The following FOXN3 variants were observed in gnomAD, a reference collection of about 807,000 sequenced individuals.
FOXN3 encodes the protein forkhead box protein N3.
Under a neutral mutation model 38.4 loss-of-function variants are expected in FOXN3, and 7 were observed. The observed-to-expected ratio is 0.18, with a 90% confidence interval of 0.10 to 0.34. The LOEUF is 0.34. Ranked by LOEUF, FOXN3 falls within the 10% of genes least tolerant of loss-of-function variation. The pLI, the probability that FOXN3 is intolerant of heterozygous loss-of-function variation, is 1.00. For missense variants in FOXN3, 456 were observed against 613.4 expected, an observed-to-expected ratio of 0.74 and a Z score of 2.71; for synonymous variants, 230 against 242.2, an observed-to-expected ratio of 0.95 and a Z score of 0.47.
chr14:89,173,271 C>T (rs760579670), intron 5 of FOXN3, among the ~76,000 whole-genome samples: 5 of 152,210 alleles, frequency 3.3e-5, no homozygotes, highest in Non-Finnish European at 5.9e-5. Context: ...CCATTACGTA[C>T]CTACCAGATT....
At chr14:89,224,674 G>A (rs1310395413) in intron 4 of FOXN3, among the ~76,000 whole-genome samples, 1 of 152,072 alleles carries the variant, frequency 6.6e-6, no homozygotes, top group African/African-American at 2.4e-5. Flanking sequence ...TTAGAAAACG[G>A]GTGACAATCA....
intron 4 of FOXN3, among the ~76,000 whole-genome samples, chr14:89,231,930 T>C (rs72699569): frequency 0.017 from 2,540 of 152,216 alleles, 35 homozygotes; most frequent in Non-Finnish European, 0.027. Flanking sequence ...GAGATGACAT[T>C]TGCAAGAGCT....
In FOXN3 at chr14:89,375,504, G is replaced by A. The variant is rs548021586; in HGVS notation, c.544-24696C>T. ...TGAAATTGAACTACAAAGAAATATT[G>A]TTTCAGCCAGACATGTATTACTAAT... On this transcript the variant is annotated intron_variant, in intron 2 of 5. Transcript: ENST00000557258. 7.2e-4 allele frequency among the ~76,000 whole-genome samples: 109 copies of A among 152,150 alleles called. No homozygotes were observed. In the Middle Eastern group the frequency reaches 0.014, roughly 19 times the overall value.
At chr14:89,253,735 T>G (rs528964100) in intron 4 of FOXN3, among the ~76,000 whole-genome samples, 2 of 152,180 alleles carry the variant, frequency 1.3e-5, no homozygotes, top group Non-Finnish European at 2.9e-5. Flanking sequence ...CCCTCTCTAG[T>G]CAATCTGTAC....
At chr14:89,245,976 C>A (rs1450597572) in intron 4 of FOXN3, among the ~76,000 whole-genome samples, 1 of 152,046 alleles carries the variant, frequency 6.6e-6, no homozygotes, top group African/African-American at 2.4e-5. Flanking sequence ...CACGACTTGC[C>A]AGCTTGATTT....
intron 3 of FOXN3, among the ~76,000 whole-genome samples, chr14:89,340,130 A>C (rs1888575903): frequency 6.6e-6 from 1 of 152,184 alleles, no homozygotes; most frequent in African/African-American, 2.4e-5. Flanking sequence ...GAGGTAAAAA[A>C]AGCTACTAAA....
At chr14:89,295,282 A>G (rs1468647351) in intron 3 of FOXN3, among the ~76,000 whole-genome samples, 1 of 151,736 alleles carries the variant, frequency 6.6e-6, no homozygotes, top group Non-Finnish European at 1.5e-5. Context: ...TCACCCTACA[A>G]CCTCTCCCTC....
chr14:89,198,315 T>C (rs959251424), intron 4 of FOXN3, among the ~76,000 whole-genome samples: 2 of 152,172 alleles, frequency 1.3e-5, no homozygotes, highest in Non-Finnish European at 2.9e-5. Context: ...AAGATGTGCA[T>C]AGATCACATA....
intron 1 of FOXN3, among the ~76,000 whole-genome samples, chr14:89,459,000 A>G (rs1170752457): frequency 6.6e-6 from 1 of 152,180 alleles, no homozygotes; most frequent in African/African-American, 2.4e-5. Context: ...TGCTCACCCC[A>G]TCCACTTTTA....
At chr14:89,205,061 G>A (rs969438586) in intron 4 of FOXN3, among the ~76,000 whole-genome samples, 1 of 152,024 alleles carries the variant, frequency 6.6e-6, no homozygotes, top group African/African-American at 2.4e-5. Flanking sequence ...TTTCTAGAAT[G>A]GTTATTAAGA....
At chr14:89,191,735 C>T (rs1887947987) in intron 4 of FOXN3, among the ~76,000 whole-genome samples, 1 of 149,224 alleles carries the variant, frequency 6.7e-6, no homozygotes, top group South Asian at 2.1e-4. Flanking sequence ...AATGCTGGTT[C>T]CCGAAAACAG....
intron 1 of FOXN3, among the ~76,000 whole-genome samples, chr14:89,429,260 T>G (rs1314437505): frequency 6.6e-6 from 1 of 152,202 alleles, no homozygotes; most frequent in African/African-American, 2.4e-5. Context: ...GCAAGTTTCT[T>G]TACCCTCATC....
intron 4 of FOXN3, among the ~76,000 whole-genome samples, chr14:89,262,848 A>C (rs1366384409): frequency 1.3e-5 from 2 of 152,264 alleles, no homozygotes; most frequent in Non-Finnish European, 2.9e-5. Flanking sequence ...GTTTAATTGA[A>C]GATAACAAAT....
chr14:89,345,800 G>A lies in FOXN3; in HGVS notation c.680+4872C>T, dbSNP rs145871862. Among the ~76,000 whole-genome samples the A allele has an allele frequency of 2.7e-3, 410 of 152,374 alleles. 3 individuals are homozygous for A. The highest frequency in any genetic ancestry group is 9.6e-3 in the African/African-American group (401 of 41,596). On this transcript the variant is annotated intron_variant, in intron 3 of 5. Transcript: ENST00000557258. ...AGGCCGGGCACAGTGGCTCACGCCT[G>A]TAATCCCACTTAGGGAGACCGAGGT...
chr14:89,467,620 G>A (rs188641585), intron 1 of FOXN3, among the ~76,000 whole-genome samples: 2,190 of 147,684 alleles, frequency 0.015, 35 homozygotes, highest in Non-Finnish European at 0.024. Context: ...GTTCCCTCTT[G>A]CTTTTTTTTT....
At chr14:89,351,065 A>G in intron 2 of FOXN3, 1 of 274,036 alleles carries the variant, frequency 3.6e-6, no homozygotes, top group Non-Finnish European at 6.8e-6. Context: ...TTTCATACCC[A>G]AACTACCAAT....
At chr14:89,257,673 A>G (rs927342278) in intron 4 of FOXN3, among the ~76,000 whole-genome samples, 8 of 152,144 alleles carry the variant, frequency 5.3e-5, no homozygotes, top group African/African-American at 1.7e-4. Context: ...TCATTTGAGC[A>G]CAGGAGGTCA....
At chr14:89,204,169 C>G (rs532436635) in intron 4 of FOXN3, among the ~76,000 whole-genome samples, 1 of 152,008 alleles carries the variant, frequency 6.6e-6, no homozygotes, top group East Asian at 1.9e-4. Flanking sequence ...GAGCTTCAGG[C>G]ACAAAGAGGA....
intron 2 of FOXN3, among the ~76,000 whole-genome samples, chr14:89,390,992 G>T (rs8013657): frequency 0.2 from 29,890 of 152,134 alleles, 3,090 homozygotes; most frequent in South Asian, 0.38. Context: ...CCTTTCTCCA[G>T]TTGCTAAGGT....
Sources: gnomAD v4.1 joint callset for allele counts (sites outside exome capture counted in the v4.1 genomes callset) on GRCh38, gnomAD v4.1.1 for gene constraint, MANE v1.5 for transcripts, NCBI Gene and HGNC (gene_info 2026-07-23, HGNC 2026-07-21) for gene names.